ANKS1B: variants seen among roughly 807,000 people sequenced by gnomAD.
ANKS1B encodes the protein ankyrin repeat and sterile alpha motif domain containing 1B.
Under a neutral mutation model 148.3 loss-of-function variants are expected in ANKS1B, and 36 were observed. The observed-to-expected ratio is 0.24, with a 90% CI of 0.19 to 0.32. The LOEUF is 0.32. ANKS1B is among the 10% of genes least tolerant of loss of function. The pLI is 1.00. For missense variants in ANKS1B, 1,157 were observed against 1,542.6 expected (o/e 0.75, Z 4.19); for synonymous variants, 542 against 560.8 (o/e 0.97, Z 0.47).
intron 13 of ANKS1B, among the ~76,000 whole-genome samples, chr12:99,245,487 C>G (rs1485437995): frequency 6.6e-6 from 1 of 152,120 alleles, no homozygotes; most frequent in African/African-American, 2.4e-5. Flanking sequence ...ACTTAAATGT[C>G]CCAGTTTGTT....
At chr12:98,933,498 G>T (rs2099815595) in intron 17 of ANKS1B, among the ~76,000 whole-genome samples, 1 of 151,948 alleles carries the variant, frequency 6.6e-6, no homozygotes, top group African/African-American at 2.4e-5. Context: ...TTTCAATTTT[G>T]GTGGGGGATA....
At chr12:99,495,112 G>A (rs1044331572) in intron 10 of ANKS1B, among the ~76,000 whole-genome samples, 24 of 152,138 alleles carry the variant, frequency 1.6e-4, no homozygotes, top group African/African-American at 5.1e-4. Flanking sequence ...ACTTTCATGA[G>A]CATGAACTTA....
intron 9 of ANKS1B, among the ~76,000 whole-genome samples, chr12:99,547,382 A>C (rs1373974975): frequency 6.6e-6 from 1 of 152,126 alleles, no homozygotes; most frequent in Non-Finnish European, 1.5e-5. Context: ...CTTTCTGATC[A>C]GGAGAGATGA....
At chr12:99,022,634 G>A (rs4762543) in intron 17 of ANKS1B, among the ~76,000 whole-genome samples, 61,241 of 151,860 alleles carry the variant, frequency 0.4, 12,597 homozygotes, top group South Asian at 0.51. Context: ...GGCCATCTGT[G>A]TTTTGTTACT....
At chr12:99,200,744 G>C (rs920006366) in intron 14 of ANKS1B, among the ~76,000 whole-genome samples, 2 of 152,140 alleles carry the variant, frequency 1.3e-5, no homozygotes, top group East Asian at 1.9e-4. Flanking sequence ...TTTACTATAA[G>C]ACAATGAAGA....
intron 15 of ANKS1B, among the ~76,000 whole-genome samples, chr12:99,145,425 G>A (rs186884520): frequency 6.6e-6 from 1 of 152,164 alleles, no homozygotes; most frequent in East Asian, 1.9e-4. Context: ...GGTCAGTAGC[G>A]GAAGGCTCCC....
chr12:99,386,909 T>C (rs1396676602), intron 12 of ANKS1B, among the ~76,000 whole-genome samples: 1 of 152,158 alleles, frequency 6.6e-6, no homozygotes, highest in Non-Finnish European at 1.5e-5. Context: ...TACATAGCAA[T>C]AGGCACATAG....
intron 12 of ANKS1B, among the ~76,000 whole-genome samples, chr12:99,292,893 A>G (rs1317611586): frequency 6.6e-6 from 1 of 152,204 alleles, no homozygotes; most frequent in Non-Finnish European, 1.5e-5. Flanking sequence ...ATGCTTTTAC[A>G]CTGTTGGTGG....
At chr12:98,953,536 G>GTTTT (rs1567984307) in intron 17 of ANKS1B, among the ~76,000 whole-genome samples, 3 of 94,340 alleles carry the variant, frequency 3.2e-5, no homozygotes, top group African/African-American at 1.1e-4. Flanking sequence ...AATCTAGAGT[G>GTTTT]GTTTTTTTTT....
chr12:99,336,874 G>A (rs74594127), intron 12 of ANKS1B, among the ~76,000 whole-genome samples: 2,013 of 152,070 alleles, frequency 0.013, 34 homozygotes, highest in African/African-American at 0.046. Flanking sequence ...CTGCTGCCAG[G>A]CATATTGAAA....
intron 9 of ANKS1B, among the ~76,000 whole-genome samples, chr12:99,566,110 T>TAAAA (rs1399014100): frequency 1.3e-5 from 2 of 152,188 alleles, no homozygotes; most frequent in Non-Finnish European, 2.9e-5. Flanking sequence ...ATGCCATACT[T>TAAAA]TTGGCAGCCA....
At chr12:99,178,016 G>C (rs556231231) in intron 14 of ANKS1B, among the ~76,000 whole-genome samples, 2 of 152,288 alleles carry the variant, frequency 1.3e-5, no homozygotes, top group South Asian at 4.1e-4. Context: ...ATACACAATT[G>C]AGATATTCCA....
intron 12 of ANKS1B, among the ~76,000 whole-genome samples, chr12:99,383,259 G>T (rs1026675256): frequency 6.6e-6 from 1 of 152,174 alleles, no homozygotes; most frequent in Non-Finnish European, 1.5e-5. Context: ...TGAAAAAAAG[G>T]TAATTGCCCC....
intron 9 of ANKS1B, among the ~76,000 whole-genome samples, chr12:99,572,925 G>A (rs1218363336): frequency 4.0e-5 from 6 of 151,890 alleles, no homozygotes; most frequent in Non-Finnish European, 2.9e-5. Flanking sequence ...TTTTGAATGT[G>A]TTACATCATT....
chr12:99,188,442 G>T (rs1373297515), intron 14 of ANKS1B, among the ~76,000 whole-genome samples: 1 of 152,072 alleles, frequency 6.6e-6, no homozygotes, highest in East Asian at 1.9e-4. Context: ...CATATAATTG[G>T]AAGTAAAACA....
intron 15 of ANKS1B, among the ~76,000 whole-genome samples, chr12:99,125,792 TAAG>T (rs908980386): frequency 1.3e-5 from 2 of 152,156 alleles, no homozygotes; most frequent in East Asian, 1.9e-4. Flanking sequence ...CGTGGGTGGA[TAAG>T]AAGAAGAATC....
At chr12:99,818,901 A>G (rs532383790) in intron 2 of ANKS1B, among the ~76,000 whole-genome samples, 58 of 151,956 alleles carry the variant, frequency 3.8e-4, no homozygotes, top group Non-Finnish European at 7.1e-4. Flanking sequence ...TAAGTTCAGC[A>G]TATGCTCTGA....
At chr12:99,386,598 G>A (rs2093868811) in intron 12 of ANKS1B, among the ~76,000 whole-genome samples, 1 of 152,142 alleles carries the variant, frequency 6.6e-6, no homozygotes, top group African/African-American at 2.4e-5. Context: ...GTTCACTAAA[G>A]GGGAAGAAAA....
chr12:99,405,464 G>T (rs1254356066), intron 11 of ANKS1B, among the ~76,000 whole-genome samples: 2 of 145,712 alleles, frequency 1.4e-5, no homozygotes, highest in African/African-American at 5.2e-5. Flanking sequence ...GTGTTAAGTT[G>T]CCATCAGTTT....
Sources: allele counts gnomAD v4.1 joint callset (sites outside exome capture counted in the v4.1 genomes callset), GRCh38; gene constraint gnomAD v4.1.1; transcripts MANE v1.5; gene names NCBI Gene and HGNC (gene_info 2026-07-23, HGNC 2026-07-21).